The following ZNF804B variants were observed in gnomAD, a reference collection of about 807,000 sequenced individuals.
ZNF804B encodes the protein zinc finger protein 804B, also known as zinc finger 804B.
In ZNF804B, 80 loss-of-function variants were observed where a neutral mutation model predicts 101.4. That is an observed-to-expected ratio of 0.79 (90% confidence interval 0.66 to 0.95). The LOEUF is 0.95. ZNF804B is among the 40% of genes least tolerant of loss of function. ZNF804B has a pLI of 0.00. For missense variants in ZNF804B, 1,673 were observed against 1,561.9 expected, an observed-to-expected ratio of 1.07 and a Z score of -1.20; for synonymous variants, 622 against 558.8, an observed-to-expected ratio of 1.11 and a Z score of -1.59.
chr7:89,198,970 T>TA (rs1315391471), intron 1 of ZNF804B, among the ~76,000 whole-genome samples: 1 of 151,856 alleles, frequency 6.6e-6, no homozygotes, highest in African/African-American at 2.4e-5. Context: ...AGTTTAGAAG[T>TA]AAAAAAGTCA....
chr7:89,139,572 A>G (rs907107825), intron 1 of ZNF804B, among the ~76,000 whole-genome samples: 2 of 152,094 alleles, frequency 1.3e-5, no homozygotes, highest in African/African-American at 2.4e-5. Context: ...TCATTTCATC[A>G]ATGTTCACAG....
chr7:89,196,775 C>T (rs1788559842), intron 1 of ZNF804B, among the ~76,000 whole-genome samples: 1 of 151,230 alleles, frequency 6.6e-6, no homozygotes, highest in Non-Finnish European at 1.5e-5. Flanking sequence ...AACAAAATAA[C>T]AGGAAAAAAA....
intron 2 of ZNF804B, among the ~76,000 whole-genome samples, chr7:89,288,937 G>A (rs938527464): frequency 4.6e-5 from 7 of 152,096 alleles, no homozygotes; most frequent in African/African-American, 1.7e-4. Context: ...AAGAAATAGA[G>A]TTTCATTATG....
chr7:88,768,860 A>G (rs571109971), intron 1 of ZNF804B, among the ~76,000 whole-genome samples: 1 of 152,348 alleles, frequency 6.6e-6, no homozygotes, highest in South Asian at 2.1e-4. Context: ...ATCAAAAATG[A>G]AGGCCCTGGA....
chr7:89,189,364 A>C (rs1788422679), intron 1 of ZNF804B, among the ~76,000 whole-genome samples: 1 of 152,146 alleles, frequency 6.6e-6, no homozygotes, highest in Non-Finnish European at 1.5e-5. Flanking sequence ...TTGACCTAAA[A>C]GAAGAAGCCA....
At position 89,192,204 on chromosome 7, in the gene ZNF804B, G is replaced by A. The variant is rs569997537; in HGVS notation, c.109-25951G>A. Among the ~76,000 whole-genome samples the A allele has an allele frequency of 2.0e-5, 3 of 152,122 alleles. No individual in the cohort carries two copies. The South Asian group carries it at 6.2e-4, about 32-fold the overall frequency. ...TGCATCCATGCATCACTAAAATCAA[G>A]ATAGTTTAATGTATCTATCACCCTT... On this transcript the variant is annotated intron_variant, in intron 1 of 3. Transcript: ENST00000333190.
chr7:89,165,309 T>C (rs62461937), intron 1 of ZNF804B, among the ~76,000 whole-genome samples: 31,149 of 152,028 alleles, frequency 0.2, 3,397 homozygotes, highest in Middle Eastern at 0.39. Context: ...CAGATGGTGA[T>C]ATGTCTGGGG....
At chr7:89,271,751 G>T (rs1789900158) in intron 2 of ZNF804B, among the ~76,000 whole-genome samples, 1 of 152,110 alleles carries the variant, frequency 6.6e-6, no homozygotes, top group African/African-American at 2.4e-5. Context: ...TTCAGAGCCT[G>T]TTACTGGTCT....
chr7:88,913,324 C>A (rs1379512400), intron 1 of ZNF804B, among the ~76,000 whole-genome samples: 1 of 152,122 alleles, frequency 6.6e-6, no homozygotes, highest in African/African-American at 2.4e-5. Context: ...AATTCAAATT[C>A]ATTACTTCTG....
intron 1 of ZNF804B, among the ~76,000 whole-genome samples, chr7:88,975,441 G>T (rs1793603058): frequency 6.6e-6 from 1 of 151,052 alleles, no homozygotes; most frequent in South Asian, 2.1e-4. Context: ...ACCAATATTT[G>T]ATATTGCTTG....
intron 1 of ZNF804B, among the ~76,000 whole-genome samples, chr7:88,811,510 A>G (rs1456187927): frequency 6.6e-6 from 1 of 152,196 alleles, no homozygotes; most frequent in Non-Finnish European, 1.5e-5. Context: ...TCTATTATAA[A>G]GGTACATGCA....
intron 1 of ZNF804B, among the ~76,000 whole-genome samples, chr7:89,197,032 A>C (rs1788564201): frequency 6.6e-6 from 1 of 151,842 alleles, no homozygotes; most frequent in Non-Finnish European, 1.5e-5. Flanking sequence ...AGTGTAAATT[A>C]GTTCAACCAT....
intron 1 of ZNF804B, among the ~76,000 whole-genome samples, chr7:89,188,660 G>A (rs1788410770): frequency 6.6e-6 from 1 of 152,126 alleles, no homozygotes; most frequent in African/African-American, 2.4e-5. Context: ...ACACACGAAT[G>A]ATGAAAAAGC....
chr7:88,969,110 C>A (rs1469970430), intron 1 of ZNF804B, among the ~76,000 whole-genome samples: 1 of 151,436 alleles, frequency 6.6e-6, no homozygotes, highest in African/African-American at 2.4e-5. Context: ...GATCAAATAA[C>A]CTATAACCTC....
At chr7:88,993,309 G>C (rs752610446) in intron 1 of ZNF804B, among the ~76,000 whole-genome samples, 1 of 151,998 alleles carries the variant, frequency 6.6e-6, no homozygotes, top group Non-Finnish European at 1.5e-5. Context: ...TTCTGAGAAT[G>C]TTGAAGTCTA....
At position 89,338,021 on chromosome 7, in the gene ZNF804B, C is replaced by T. The variant is rs1187438803; in HGVS notation, c.*989C>T. ...TCAATTGTACTAGATATTTATGAAA[C>T]AATGAATAATGATGAATAAATTCAC... is the stretch of plus-strand genomic sequence containing the variant. On this transcript the variant is annotated 3_prime_UTR_variant, in exon 4 of 4. Transcript: ENST00000333190. 1.3e-5 allele frequency among the ~76,000 whole-genome samples: 2 copies of T among 151,900 alleles called. No individual in the cohort carries two copies. The highest frequency in any genetic ancestry group is 2.9e-5 in the Non-Finnish European group (2 of 67,932).
intron 1 of ZNF804B, among the ~76,000 whole-genome samples, chr7:88,856,812 A>G (rs1672196177): frequency 6.6e-6 from 1 of 152,162 alleles, no homozygotes; most frequent in South Asian, 2.1e-4. Flanking sequence ...AGTTTTTAGT[A>G]TGAAGGGCTG....
At chr7:88,994,080 T>A (rs959931524) in intron 1 of ZNF804B, among the ~76,000 whole-genome samples, 1 of 152,002 alleles carries the variant, frequency 6.6e-6, no homozygotes, top group Non-Finnish European at 1.5e-5. Flanking sequence ...TGATTCTTCA[T>A]CTTACATACA....
intron 1 of ZNF804B, among the ~76,000 whole-genome samples, chr7:89,150,789 CAGAG>C (rs1482449518): frequency 2.0e-5 from 3 of 152,032 alleles, no homozygotes; most frequent in African/African-American, 7.2e-5. Context: ...GAAGGAAAGA[CAGAG>C]AGCTTGGCTG....
Sources: allele counts gnomAD v4.1 joint callset (sites outside exome capture counted in the v4.1 genomes callset), GRCh38; gene constraint gnomAD v4.1.1; transcripts MANE v1.5; gene names NCBI Gene and HGNC (gene_info 2026-07-23, HGNC 2026-07-21).